NRG1: variants seen among roughly 807,000 people sequenced by gnomAD.
NRG1 encodes the protein pro-neuregulin-1, membrane-bound isoform.
In NRG1, 18 loss-of-function variants were observed where a neutral mutation model predicts 63.8. The ratio of observed to expected loss-of-function variants is 0.28; its 90% confidence interval spans 0.19 to 0.42. The LOEUF (loss-of-function observed/expected upper bound fraction) is 0.42. NRG1 is among the 10% of genes least tolerant of loss of function. NRG1 has a pLI of 1.00. For missense variants in NRG1, 762 were observed against 814.7 expected (o/e 0.94, Z 0.79); for synonymous variants, 302 against 301.3 (o/e 1.00, Z -0.02).
chr8:32,640,691 A>C (rs1402479205), intron 5 of NRG1, among the ~76,000 whole-genome samples: 1 of 151,530 alleles, frequency 6.6e-6, no homozygotes, highest in Non-Finnish European at 1.5e-5. Flanking sequence ...TGTCATTGAG[A>C]CTCTGAATTC....
At position 32,470,296 on chromosome 8, in the gene NRG1, T is replaced by C. The variant is rs1823667954; in HGVS notation, c.38-125532T>C. On this transcript the variant is annotated intron_variant, in intron 1 of 10. Coordinates refer to the NRG1 transcript ENST00000519301. ...CCCGGGTTCACGCCATTCTCCTGCC[T>C]CAGCCTCCAGAGTAGCTGGGACTAC... Among the ~76,000 whole-genome samples the C allele has an allele frequency of 2.0e-5, 3 of 151,640 alleles. 1 individual carries two copies. Among genetic ancestry groups the C allele is most frequent in the South Asian group, 4.2e-4 (2 of 4,808 alleles).
intron 1 of NRG1, among the ~76,000 whole-genome samples, chr8:32,265,021 A>T (rs1375379118): frequency 6.6e-6 from 1 of 151,926 alleles, no homozygotes; most frequent in Non-Finnish European, 1.5e-5. Flanking sequence ...TGACGATGAC[A>T]TTTTTTTTCC....
rs1385960924 is a variant in NRG1, at chr8:31,727,183, G to A, written c.37+87752G>A. 5.9e-5 allele frequency among the ~76,000 whole-genome samples: 9 copies of A among 152,020 alleles called. No homozygotes were observed. The East Asian group carries it at 1.6e-3, about 26-fold the overall frequency. On this transcript the variant is annotated intron_variant, in intron 1 of 10. Coordinates refer to the NRG1 transcript ENST00000519301. The stretch of plus-strand genomic sequence containing the variant: ...CATTTAAGGAGCTTACCATCTAGTG[G>A]GACTCAGATATGTAAATAAATAATT...
intron 1 of NRG1, among the ~76,000 whole-genome samples, chr8:32,117,491 G>C (rs1832891160): frequency 6.6e-6 from 1 of 151,860 alleles, no homozygotes; most frequent in Admixed American, 6.6e-5. Context: ...TAACATAAGG[G>C]TAGCCATGAC....
chr8:32,503,469 A>T (rs531658972), intron 1 of NRG1, among the ~76,000 whole-genome samples: 6 of 152,254 alleles, frequency 3.9e-5, no homozygotes, highest in African/African-American at 1.4e-4. Context: ...ACTATTTTTA[A>T]GTCACTGTAC....
chr8:32,137,437 A>G (rs1835689796), intron 1 of NRG1, among the ~76,000 whole-genome samples: 1 of 152,096 alleles, frequency 6.6e-6, no homozygotes, highest in Non-Finnish European at 1.5e-5. Context: ...GTGAGACCCC[A>G]TCTCAAAAGA....
chr8:32,273,172 TG>T (rs1238265056), intron 1 of NRG1, among the ~76,000 whole-genome samples: 1 of 152,222 alleles, frequency 6.6e-6, no homozygotes, highest in Non-Finnish European at 1.5e-5. Flanking sequence ...ACACATTCTT[TG>T]CTATGAGTTG....
At chr8:32,170,377 T>C (rs1432100474) in intron 1 of NRG1, among the ~76,000 whole-genome samples, 1 of 152,196 alleles carries the variant, frequency 6.6e-6, no homozygotes, top group East Asian at 1.9e-4. Flanking sequence ...TGAAAGCCTG[T>C]CAGATCCCCT....
chr8:32,213,686 T>C (rs1167750622), intron 1 of NRG1, among the ~76,000 whole-genome samples: 1 of 152,156 alleles, frequency 6.6e-6, no homozygotes, highest in Non-Finnish European at 1.5e-5. Context: ...ATACTCTTGA[T>C]TTTTAAGTAC....
At chr8:31,980,170 G>T (rs1808846791) in intron 1 of NRG1, among the ~76,000 whole-genome samples, 1 of 151,984 alleles carries the variant, frequency 6.6e-6, no homozygotes, top group Non-Finnish European at 1.5e-5. Context: ...TAGGAACTTA[G>T]TTAACAGCTT....
chr8:31,814,766 G>A (rs554270345), intron 1 of NRG1, among the ~76,000 whole-genome samples: 1 of 151,664 alleles, frequency 6.6e-6, no homozygotes, highest in African/African-American at 2.4e-5. Context: ...TCCATTTAAT[G>A]TTTTCATTTA....
intron 5 of NRG1, among the ~76,000 whole-genome samples, chr8:32,720,644 A>G (rs1339200194): frequency 6.6e-6 from 1 of 152,178 alleles, no homozygotes; most frequent in Non-Finnish European, 1.5e-5. Flanking sequence ...GCTTTCTTGT[A>G]ACTCCATTTA....
At chr8:32,764,376 G>T (rs1278190516) in exon 12 of NRG1, 1 of 1,605,170 alleles carries the variant, frequency 6.2e-7, no homozygotes, top group East Asian at 2.2e-5. Context: ...TAGTGTAATT[G>T]CTAACCAAGA....
chr8:31,765,593 T>G (rs1302078221), intron 1 of NRG1, among the ~76,000 whole-genome samples: 1 of 152,218 alleles, frequency 6.6e-6, no homozygotes, highest in Non-Finnish European at 1.5e-5. Context: ...TTTCCAAACT[T>G]GGAAACTCTT....
intron 1 of NRG1, among the ~76,000 whole-genome samples, chr8:32,392,509 T>G (rs1811904584): frequency 6.6e-6 from 1 of 152,228 alleles, no homozygotes; most frequent in Non-Finnish European, 1.5e-5. Context: ...AAGGAGTTGT[T>G]GTTGATGTTG....
intron 5 of NRG1, among the ~76,000 whole-genome samples, chr8:32,684,566 A>G: frequency 6.6e-6 from 1 of 152,096 alleles, no homozygotes; most frequent in Non-Finnish European, 1.5e-5. Flanking sequence ...CTTTTTCACA[A>G]ATTTTTTACT....
Position 32,005,344 on chromosome 8 carries a change from C to T in NRG1, c.37+365913C>T, listed in dbSNP as rs147625495. On this transcript the variant is annotated intron_variant, in intron 1 of 10. Transcript: ENST00000519301. The stretch of plus-strand genomic sequence containing the variant: ...TATATTGAGAGCCAGTGGAAGACAT[C>T]GTAGAAATTCCCTGGTCTATTTTGT... Among the ~76,000 whole-genome samples, 321 of 151,978 alleles carry T rather than the reference C, an allele frequency of 2.1e-3. 1 individual carries two copies. Among genetic ancestry groups the T allele is most frequent in the African/African-American group, 7.3e-3 (302 of 41,494 alleles).
chr8:31,815,588 G>T (rs1046793774), intron 1 of NRG1, among the ~76,000 whole-genome samples: 2 of 152,080 alleles, frequency 1.3e-5, no homozygotes, highest in African/African-American at 4.8e-5. Context: ...CCCTGCTTTC[G>T]GTTCTTATGG....
At chr8:31,859,007 T>C (rs1828219791) in intron 1 of NRG1, among the ~76,000 whole-genome samples, 1 of 152,224 alleles carries the variant, frequency 6.6e-6, no homozygotes, top group Admixed American at 6.5e-5. Context: ...TATAGATTTT[T>C]ATGCTACAGA....
Sources: allele counts gnomAD v4.1 joint callset (sites outside exome capture counted in the v4.1 genomes callset), GRCh38; gene constraint gnomAD v4.1.1; transcripts MANE v1.5; gene names NCBI Gene and HGNC (gene_info 2026-07-23, HGNC 2026-07-21).